Variants in DCLK1 observed in about 807,000 individuals in gnomAD.
DCLK1 encodes doublecortin like kinase 1.
DCLK1 carries 16 observed loss-of-function variants against 86.2 expected under a neutral mutation model. The ratio of observed to expected loss-of-function variants is 0.19; its 90% CI spans 0.13 to 0.28. The LOEUF (loss-of-function observed/expected upper bound fraction) is 0.28, where lower values mean the gene tolerates loss of function less well. Ranked by LOEUF, DCLK1 falls within the 10% of genes least tolerant of loss-of-function variation. The pLI, the probability that DCLK1 is intolerant of heterozygous loss-of-function variation, is 1.00. For missense variants in DCLK1, 590 were observed against 940.2 expected (o/e 0.63, Z 4.87); for synonymous variants, 369 against 370.5 (o/e 1.00, Z 0.05).
intron 3 of DCLK1, 151 bp downstream of exon 3, chr13:36,111,718 G>T: frequency 1.7e-6 from 1 of 588,090 alleles, no homozygotes; most frequent in Non-Finnish European, 2.9e-6. Context: ...TCAAACTTCT[G>T]ACTGTTCTAG....
Position 35,770,904 on chromosome 13 carries a change from T to C in DCLK1, c.*3631A>G, listed in dbSNP as rs1216096728. The stretch of plus-strand genomic sequence containing the variant: ...CTTCACTCTTTGGTACAGCCCTGTA[T>C]AGCAAACTTCAGCCTGGGGCACATT... On this transcript the variant is annotated 3_prime_UTR_variant, in exon 17 of 17. Transcript: ENST00000360631. 2 of 152,182 alleles carry C rather than the reference T, an allele frequency of 1.3e-5. No individual in the cohort carries two copies. The highest frequency in any genetic ancestry group is 1.5e-5 in the Non-Finnish European group (1 of 68,048). 9.4% of individuals were successfully genotyped at this position (152,182 alleles called of 1,614,324 possible).
chr13:35,975,161 T>C (rs1879272464), intron 3 of DCLK1, among the ~76,000 whole-genome samples: 1 of 152,150 alleles, frequency 6.6e-6, no homozygotes, highest in South Asian at 2.1e-4. Flanking sequence ...ACAGCACCAC[T>C]GAGCTGCCTA....
intron 3 of DCLK1, among the ~76,000 whole-genome samples, chr13:36,016,738 TAATAAACTA>T (rs1393606671): frequency 6.6e-6 from 1 of 152,212 alleles, no homozygotes; most frequent in African/African-American, 2.4e-5. Context: ...GTAGCCACAT[TAATAAACTA>T]AAAAGAAATA....
At chr13:35,855,504 A>C in intron 5 of DCLK1, 1 of 1,605,732 alleles carries the variant, frequency 6.2e-7, no homozygotes, top group Non-Finnish European at 8.5e-7. Flanking sequence ...AATGCATTTC[A>C]CTTACCTTCT....
At chr13:35,934,423 TTCCACA>T (rs1181852793) in intron 4 of DCLK1, among the ~76,000 whole-genome samples, 1 of 152,150 alleles carries the variant, frequency 6.6e-6, no homozygotes, top group Non-Finnish European at 1.5e-5. Context: ...GGACTTACAG[TTCCACA>T]TCGCTGGGGA....
At position 36,126,117 on chromosome 13, in the gene DCLK1, C is replaced by T; in HGVS notation, c.21G>A (p.Met7Ile). The T allele has an allele frequency of 6.3e-7, 1 of 1,597,804 alleles. No individual in the cohort carries two copies. The highest frequency in any genetic ancestry group is 1.7e-5 in the Admixed American group (1 of 59,272). The change falls in exon 2 of 17, where the codon ATG (methionine) becomes ATA (isoleucine). Residue 7 changes from methionine (M) to isoleucine (I), a missense_variant. Met to Ile is a conservative substitution (Grantham distance 10). Transcript: ENST00000360631. Reference sequence around the variant, plus strand: ...CCCGCTCGTCGAAGTGCTCCAGCTCCATGTCTCTGCCGAAGGACATGATGG... The same window carrying T: ...CCCGCTCGTCGAAGTGCTCCAGCTCTATGTCTCTGCCGAAGGACATGATGG... MSFGRDMELEHFDERDK... is the reference protein window; with the variant it reads MSFGRDIELEHFDERDK...
chr13:36,130,176 C>G (rs1409746195), intron 1 of DCLK1, among the ~76,000 whole-genome samples: 1 of 152,126 alleles, frequency 6.6e-6, no homozygotes, highest in East Asian at 1.9e-4. Flanking sequence ...CTTAAAAAAT[C>G]CCTTCTGACC....
intron 4 of DCLK1, among the ~76,000 whole-genome samples, chr13:35,923,499 CT>C (rs1875927324): frequency 6.6e-6 from 1 of 151,888 alleles, no homozygotes; most frequent in Non-Finnish European, 1.5e-5. Context: ...ACAACCAATT[CT>C]GTGGGTGTCA....
chr13:36,064,814 A>G (rs1011551826), intron 3 of DCLK1, among the ~76,000 whole-genome samples: 1 of 151,942 alleles, frequency 6.6e-6, no homozygotes, highest in Non-Finnish European at 1.5e-5. Context: ...TATTTATTCT[A>G]TAATAAGGGT....
chr13:36,052,603 C>A (rs529275753), intron 3 of DCLK1, among the ~76,000 whole-genome samples: 4 of 152,202 alleles, frequency 2.6e-5, no homozygotes, highest in African/African-American at 9.6e-5. Flanking sequence ...GTTACATAGT[C>A]TCTTAGAAAG....
At chr13:35,847,307 T>C (rs1870252593) in intron 6 of DCLK1, 1 of 985,014 alleles carries the variant, frequency 1.0e-6, no homozygotes, top group Admixed American at 6.2e-5. Flanking sequence ...TGTCACAGAG[T>C]AACACTTTAT....
intron 3 of DCLK1, among the ~76,000 whole-genome samples, chr13:36,033,543 G>A (rs1200668121): frequency 7.2e-5 from 11 of 152,078 alleles, no homozygotes; most frequent in Non-Finnish European, 1.0e-4. Context: ...TCTGAGTGGG[G>A]AGTAATAATA....
intron 16 of DCLK1, chr13:35,788,105 C>T (rs1211307339): frequency 2.9e-6 from 3 of 1,034,510 alleles, no homozygotes; most frequent in Admixed American, 3.4e-5. Context: ...AGCATATGGA[C>T]TGGATAACAA....
chr13:36,131,662 T>C (rs1886366071), upstream of DCLK1, among the ~76,000 whole-genome samples: 1 of 152,114 alleles, frequency 6.6e-6, no homozygotes, highest in East Asian at 1.9e-4. Flanking sequence ...GAAGAGAACG[T>C]GGACAGGGCT....
intron 3 of DCLK1, among the ~76,000 whole-genome samples, chr13:36,035,620 C>A (rs1294730571): frequency 6.6e-6 from 1 of 152,156 alleles, no homozygotes; most frequent in East Asian, 1.9e-4. Context: ...CTCACTGCAG[C>A]GTCGAACTCC....
chr13:36,019,171 T>C lies in DCLK1; in HGVS notation c.724-71714A>G, dbSNP rs184900628. 7.2e-5 allele frequency among the ~76,000 whole-genome samples: 11 copies of C among 152,344 alleles called. 1 individual carries two copies. Among genetic ancestry groups the C allele is most frequent in the African/African-American group, 2.6e-4 (11 of 41,590 alleles). Reference sequence around the variant, plus strand: ...TATTTCTGTCATTTTCTCCAACATTTTAATTAAGCTGTTCCTTAACCTTCT... The same window carrying C: ...TATTTCTGTCATTTTCTCCAACATTCTAATTAAGCTGTTCCTTAACCTTCT... On this transcript the variant is annotated intron_variant, in intron 3 of 16. Coordinates refer to ENST00000360631, the MANE Select transcript of DCLK1 (RefSeq NM_001330071.2).
At chr13:35,896,864 G>C (rs1011135209) in intron 4 of DCLK1, among the ~76,000 whole-genome samples, 2 of 152,272 alleles carry the variant, frequency 1.3e-5, no homozygotes, top group African/African-American at 4.8e-5. Flanking sequence ...TAGATGCTCA[G>C]AAAACGGACA....
At chr13:35,996,577 G>A (rs1236574718) in intron 3 of DCLK1, among the ~76,000 whole-genome samples, 2 of 152,134 alleles carry the variant, frequency 1.3e-5, no homozygotes, top group Non-Finnish European at 2.9e-5. Flanking sequence ...ACAAGCAGGA[G>A]GCCATTCTAG....
intron 3 of DCLK1, among the ~76,000 whole-genome samples, chr13:36,072,716 A>C (rs1220909024): frequency 6.6e-6 from 1 of 152,186 alleles, no homozygotes; most frequent in East Asian, 1.9e-4. Context: ...CCAGATGCCA[A>C]TGAGTCTCAA....
Sources: gnomAD v4.1 joint callset for allele counts (sites outside exome capture counted in the v4.1 genomes callset) on GRCh38, gnomAD v4.1.1 for gene constraint, MANE v1.5 for transcripts, NCBI Gene and HGNC (gene_info 2026-07-23, HGNC 2026-07-21) for gene names.